Variants in GSE1 observed in about 807,000 individuals in gnomAD.
GSE1 encodes Gse1 coiled-coil protein.
Under a neutral mutation model 112.6 loss-of-function variants are expected in GSE1, and 32 were observed. The ratio of observed to expected loss-of-function variants is 0.28; its 90% CI spans 0.21 to 0.38. The LOEUF is 0.38. GSE1 is among the 10% of genes least tolerant of loss of function. GSE1 has a pLI of 1.00. For missense variants in GSE1, 2,348 were observed against 1,699.2 expected (o/e 1.38, Z -6.71); for synonymous variants, 1,115 against 735.6 (o/e 1.52, Z -8.35).
At chr16:85,515,045 A>T (rs116714444) in intron 2 of GSE1, among the ~76,000 whole-genome samples, 1 of 152,080 alleles carries the variant, frequency 6.6e-6, no homozygotes, top group Non-Finnish European at 1.5e-5. Flanking sequence ...ATGTGTGTGC[A>T]TGTGTGTGTA....
At chr16:85,451,968 C>G (rs1414648437) in intron 2 of GSE1, among the ~76,000 whole-genome samples, 4 of 152,094 alleles carry the variant, frequency 2.6e-5, no homozygotes, top group African/African-American at 7.2e-5. Flanking sequence ...CCTGCCTCCC[C>G]CCCTCACCGA....
chr16:85,255,252 G>A (rs995605009), intron 1 of GSE1, among the ~76,000 whole-genome samples: 4 of 152,082 alleles, frequency 2.6e-5, no homozygotes, highest in Admixed American at 6.5e-5. Flanking sequence ...TGGGAGACCC[G>A]GGAGCCCAGA....
intron 2 of GSE1, among the ~76,000 whole-genome samples, chr16:85,515,577 G>A (rs1020352674): frequency 3.3e-5 from 5 of 151,582 alleles, no homozygotes; most frequent in Admixed American, 1.3e-4. Context: ...ACCCTGGGGC[G>A]CCAGGGGCCC....
At chr16:85,591,677 G>A (rs2047008574) in intron 1 of GSE1, among the ~76,000 whole-genome samples, 1 of 152,228 alleles carries the variant, frequency 6.6e-6, no homozygotes, top group African/African-American at 2.4e-5. Context: ...CTCAGGGTCC[G>A]GACCTCACCG....
At chr16:85,667,967 A>ATCT (rs35034212) in intron 13 of GSE1, among the ~76,000 whole-genome samples, 173 bp from the exon 14 acceptor site, 4 of 151,552 alleles carry the variant, frequency 2.6e-5, no homozygotes, top group Non-Finnish European at 5.9e-5. Flanking sequence ...GACTTTCTCA[A>ATCT]GTGGCCCAGA....
At chr16:85,610,195 C>T (rs1402703629), upstream of GSE1, among the ~76,000 whole-genome samples, 2 of 152,212 alleles carry the variant, frequency 1.3e-5, no homozygotes, top group Non-Finnish European at 1.5e-5. Flanking sequence ...AAGCACAGTC[C>T]GTGGTAAGGA....
intron 1 of GSE1, among the ~76,000 whole-genome samples, chr16:85,304,066 C>T (rs778384000): frequency 1.2e-4 from 18 of 152,252 alleles, no homozygotes; most frequent in Admixed American, 3.3e-4. Flanking sequence ...CAGGACAGAG[C>T]CCCTTGGCCT....
chr16:85,390,371 C>T (rs907247341), intron 2 of GSE1, among the ~76,000 whole-genome samples: 4 of 152,052 alleles, frequency 2.6e-5, no homozygotes, highest in Admixed American at 1.3e-4. Flanking sequence ...AGATCAGGGT[C>T]AGATTCCTGC....
At chr16:85,615,299 A>G (rs1444289249) in intron 1 of GSE1, among the ~76,000 whole-genome samples, 1 of 152,162 alleles carries the variant, frequency 6.6e-6, no homozygotes, top group African/African-American at 2.4e-5. Context: ...GCCCAGGTAG[A>G]TTCAGGAGCG....
intron 1 of GSE1, among the ~76,000 whole-genome samples, chr16:85,317,756 G>T (rs181416004): frequency 3.9e-5 from 6 of 152,162 alleles, no homozygotes; most frequent in Non-Finnish European, 7.3e-5. Flanking sequence ...CTTTCCTGCC[G>T]CGCTGCCCAC....
chr16:85,426,006 C>T (rs1449729265), intron 2 of GSE1, among the ~76,000 whole-genome samples: 2 of 93,930 alleles, frequency 2.1e-5, no homozygotes, highest in Non-Finnish European at 5.3e-5. Context: ...TTAACCACCA[C>T]TCTCTAAGAA....
chr16:85,458,108 G>A (rs904215057), intron 2 of GSE1, among the ~76,000 whole-genome samples: 1 of 152,188 alleles, frequency 6.6e-6, no homozygotes, highest in African/African-American at 2.4e-5. Flanking sequence ...TCTGCTCCGG[G>A]CTTCCTCAGA....
chr16:85,662,722 G>A, intron 9 of GSE1: 1 of 480,054 alleles, frequency 2.1e-6, no homozygotes, highest in Non-Finnish European at 3.7e-6. Flanking sequence ...GGGGAGGAGG[G>A]AGGTCTTGTC....
intron 1 of GSE1, among the ~76,000 whole-genome samples, chr16:85,206,397 A>G (rs2075117019): frequency 6.6e-6 from 1 of 152,076 alleles, no homozygotes; most frequent in African/African-American, 2.4e-5. Flanking sequence ...CAGCAAGGAG[A>G]ACTGGAATGA....
chr16:85,597,916 T>C (rs1283617234), intron 1 of GSE1, among the ~76,000 whole-genome samples: 7 of 152,192 alleles, frequency 4.6e-5, no homozygotes, highest in African/African-American at 1.7e-4. Flanking sequence ...TGGGTTCAGG[T>C]GCTTAACCTT....
intron 2 of GSE1, among the ~76,000 whole-genome samples, chr16:85,383,469 A>T (rs1289523818): frequency 6.6e-6 from 1 of 151,230 alleles, no homozygotes; most frequent in Non-Finnish European, 1.5e-5. Flanking sequence ...AGTCTGTCAC[A>T]CATTTGAACA....
intron 1 of GSE1, among the ~76,000 whole-genome samples, chr16:85,572,263 A>G (rs1370467178): frequency 6.9e-6 from 1 of 144,952 alleles, no homozygotes. Context: ...ACACAACCAC[A>G]CACACACCAA....
intron 1 of GSE1, among the ~76,000 whole-genome samples, chr16:85,198,023 C>T (rs377320240): frequency 4.6e-5 from 7 of 152,296 alleles, no homozygotes. Flanking sequence ...CTACCGAGAG[C>T]ACCCCTTGGT....
chr16:85,171,471 C>G (rs1020913089), exon 1 of GSE1: 2 of 985,532 alleles, frequency 2.0e-6, no homozygotes, highest in African/African-American at 3.5e-5. Flanking sequence ...CCTGTGTGCT[C>G]TGCTACCATG....
Sources: allele counts gnomAD v4.1 joint callset (sites outside exome capture counted in the v4.1 genomes callset), GRCh38; gene constraint gnomAD v4.1.1; transcripts MANE v1.5; gene names NCBI Gene and HGNC (gene_info 2026-07-23, HGNC 2026-07-21).